Variants in CSMD1 observed in about 807,000 individuals in gnomAD.
The protein encoded by CSMD1 is CUB and sushi domain-containing protein 1.
In CSMD1, 213 loss-of-function variants were observed where a neutral mutation model predicts 417.5. The observed-to-expected ratio is 0.51, with a 90% CI of 0.46 to 0.57. CSMD1 has a LOEUF of 0.57. CSMD1 is among the 20% of genes least tolerant of loss of function. The pLI is 0.00. For missense variants in CSMD1, 6,923 were observed against 4,529.7 expected, an observed-to-expected ratio of 1.53 and a Z score of -15.17; for synonymous variants, 2,862 against 1,736.8, an observed-to-expected ratio of 1.65 and a Z score of -16.11.
intron 10 of CSMD1, among the ~76,000 whole-genome samples, chr8:3,542,011 C>CAA (rs571830898): frequency 0.012 from 1,764 of 151,434 alleles, 41 homozygotes; most frequent in African/African-American, 0.04. Context: ...GACTCCATTT[C>CAA]GAAAAAAAGG....
intron 2 of CSMD1, among the ~76,000 whole-genome samples, chr8:4,465,614 T>C (rs1031435322): frequency 1.3e-5 from 2 of 152,052 alleles, no homozygotes; most frequent in African/African-American, 4.8e-5. Context: ...TGAGGATTAT[T>C]AAGTTAAGGC....
intron 3 of CSMD1, among the ~76,000 whole-genome samples, chr8:4,315,305 C>T (rs899054942): frequency 6.6e-6 from 1 of 152,142 alleles, no homozygotes; most frequent in African/African-American, 2.4e-5. Context: ...CCCTTTTACC[C>T]TAAGGTCCAC....
intron 41 of CSMD1, among the ~76,000 whole-genome samples, chr8:3,133,188 T>A (rs901631399): frequency 6.6e-6 from 1 of 151,938 alleles, no homozygotes; most frequent in East Asian, 1.9e-4. Flanking sequence ...GGCCCCTTCT[T>A]GGCTGCTGCT....
intron 2 of CSMD1, among the ~76,000 whole-genome samples, chr8:4,626,749 A>T (rs1373818004): frequency 6.6e-6 from 1 of 152,126 alleles, no homozygotes; most frequent in East Asian, 1.9e-4. Flanking sequence ...CAAAGAAAAT[A>T]TATGAAGGCT....
chr8:4,560,514 A>G (rs1348053440), intron 2 of CSMD1, among the ~76,000 whole-genome samples: 2 of 152,194 alleles, frequency 1.3e-5, no homozygotes, highest in African/African-American at 4.8e-5. Flanking sequence ...AAACTTTAAC[A>G]TGATTTTGCA....
At chr8:4,926,826 A>G (rs1473969432) in intron 1 of CSMD1, among the ~76,000 whole-genome samples, 1 of 152,138 alleles carries the variant, frequency 6.6e-6, no homozygotes, top group Non-Finnish European at 1.5e-5. Context: ...ATATCTACCT[A>G]GAACTCCTCC....
chr8:3,508,728 A>T (rs568622159), intron 10 of CSMD1, among the ~76,000 whole-genome samples: 2 of 152,162 alleles, frequency 1.3e-5, no homozygotes, highest in Non-Finnish European at 1.5e-5. Flanking sequence ...TTTAAAATTT[A>T]AAACAAATAA....
intron 3 of CSMD1, among the ~76,000 whole-genome samples, chr8:4,141,487 G>C (rs1803787152): frequency 1.3e-5 from 2 of 151,108 alleles, no homozygotes; most frequent in South Asian, 4.1e-4. Flanking sequence ...ATGCCATTTG[G>C]TCTTCACAAT....
At chr8:3,485,538 C>CAGAG (rs55757538) in intron 11 of CSMD1, among the ~76,000 whole-genome samples, 2,714 of 134,964 alleles carry the variant, frequency 0.02, 74 homozygotes, top group East Asian at 0.13. Context: ...CACACACACA[C>CAGAG]AGAGAGAGAG....
intron 3 of CSMD1, among the ~76,000 whole-genome samples, chr8:4,284,387 A>G (rs754042499): frequency 0.098 from 224 of 2,288 alleles, 2 homozygotes; most frequent in Admixed American, 0.28. Flanking sequence ...CACCCTCCCC[A>G]AAAAGAGAAA....
At chr8:3,152,437 ATGC>A (rs1819255327) in intron 39 of CSMD1, among the ~76,000 whole-genome samples, 1 of 152,254 alleles carries the variant, frequency 6.6e-6, no homozygotes, top group Admixed American at 6.5e-5. Context: ...TGCTCTCATT[ATGC>A]AAAATGTTTT....
intron 25 of CSMD1, among the ~76,000 whole-genome samples, chr8:3,294,619 C>A (rs576405074): frequency 1.3e-5 from 2 of 152,176 alleles, no homozygotes; most frequent in Non-Finnish European, 2.9e-5. Flanking sequence ...CCCTCTGAGT[C>A]ATGCACGGGA....
chr8:3,807,310 A>G (rs1002756493), intron 5 of CSMD1, among the ~76,000 whole-genome samples: 1 of 152,218 alleles, frequency 6.6e-6, no homozygotes, highest in Admixed American at 6.5e-5. Flanking sequence ...AATAAAATAC[A>G]GTATCTGGTT....
At position 3,082,461 on chromosome 8, in the gene CSMD1, G is replaced by A. The variant is rs540819959; in HGVS notation, c.7474+4636C>T. Among the ~76,000 whole-genome samples, 36 of 152,080 alleles carry A rather than the reference G, an allele frequency of 2.4e-4. 1 individual carries two copies. Among genetic ancestry groups the A allele is most frequent in the South Asian group, 6.2e-4 (3 of 4,808 alleles). On this transcript the variant is annotated intron_variant, in intron 49 of 69. Coordinates refer to ENST00000635120, the MANE Select transcript of CSMD1 (RefSeq NM_033225.6). ...ATCCTGGACCTTCTCTGCTACTCCC[G>A]CCGGATGACTATCCATTCCTGCTGA...
intron 3 of CSMD1, among the ~76,000 whole-genome samples, chr8:4,190,962 C>T (rs540126325): frequency 2.9e-5 from 4 of 139,606 alleles, no homozygotes; most frequent in South Asian, 2.4e-4. Flanking sequence ...GTGGGGGGGG[C>T]GGGGAAGGGA....
At chr8:3,448,010 T>A (rs1183513751) in intron 12 of CSMD1, among the ~76,000 whole-genome samples, 1 of 152,012 alleles carries the variant, frequency 6.6e-6, no homozygotes, top group Admixed American at 6.5e-5. Flanking sequence ...CTGATACCAC[T>A]GGGACCTCCT....
intron 23 of CSMD1, among the ~76,000 whole-genome samples, chr8:3,311,659 T>C (rs981900550): frequency 6.6e-6 from 1 of 152,198 alleles, no homozygotes; most frequent in African/African-American, 2.4e-5. Flanking sequence ...AAAGTATACT[T>C]TCTACTGAAC....
chr8:4,594,080 C>G (rs117381303), intron 2 of CSMD1, among the ~76,000 whole-genome samples: 1 of 151,944 alleles, frequency 6.6e-6, no homozygotes, highest in Non-Finnish European at 1.5e-5. Flanking sequence ...TGGCCTCTTC[C>G]TCATGTGCCT....
chr8:3,610,321 C>A (rs977674528), intron 8 of CSMD1, among the ~76,000 whole-genome samples: 5 of 152,084 alleles, frequency 3.3e-5, no homozygotes, highest in African/African-American at 1.2e-4. Flanking sequence ...CTGCTTGAGG[C>A]CAGGAGTTAG....
Sources: gnomAD v4.1 joint callset for allele counts (sites outside exome capture counted in the v4.1 genomes callset) on GRCh38, gnomAD v4.1.1 for gene constraint, MANE v1.5 for transcripts, NCBI Gene and HGNC (gene_info 2026-07-23, HGNC 2026-07-21) for gene names.